Variants in REG3G observed in about 807,000 individuals in gnomAD.
The protein encoded by REG3G is regenerating islet-derived protein 3-gamma.
REG3G carries 19 observed loss-of-function variants against 20.9 expected under a neutral mutation model. That is an observed-to-expected ratio of 0.91 (90% CI 0.64 to 1.34). REG3G has a LOEUF of 1.34. Ranked by LOEUF, REG3G falls within the 40% of genes most tolerant of loss-of-function variation. The pLI is 0.00. For synonymous variants in REG3G, 89 were observed against 77.4 expected (o/e 1.15, Z -0.79); for missense variants, 235 against 205.0 (o/e 1.15, Z -0.89).
intron 1 of REG3G, 72 bp downstream of exon 1, chr2:79,025,845 G>C: frequency 6.2e-6 from 3 of 484,970 alleles, no homozygotes; most frequent in Non-Finnish European, 1.1e-5. Flanking sequence ...ACGCATGGGA[G>C]GGTCCCTTCC....
At chr2:79,026,238 C>G in intron 2 of REG3G, 69 bp downstream of exon 2, 1 of 1,491,576 alleles carries the variant, frequency 6.7e-7, no homozygotes, top group Non-Finnish European at 9.4e-7. Flanking sequence ...GAGGAAGGCT[C>G]CTGTGTGTCA....
chr2:79,025,980 C>A lies in REG3G; in HGVS notation c.-111-3C>A. On this transcript the variant is annotated splice_region_variant and splice_polypyrimidine_tract_variant and intron_variant, in intron 1 of 5. Transcript: ENST00000272324. ...ATGATGAATGTGACCAAGATCACTT[C>A]AGTCCTAGGGGACTACAGAAGGAAA... 1.1e-6 allele frequency: 1 copy of A among 937,520 alleles called. No homozygotes were observed. Among genetic ancestry groups the A allele is most frequent in the Non-Finnish European group, 1.7e-6 (1 of 594,486 alleles). 58.1% of individuals were successfully genotyped at this position (937,520 alleles called of 1,614,324 possible).
rs1671599942 is a variant in REG3G at position 79,025,777 on chromosome 2, A to C, written c.-112+4A>C. 3.4e-6 allele frequency: 1 copy of C among 294,052 alleles called. No individual in the cohort carries two copies. The highest frequency in any genetic ancestry group is 2.1e-5 in the African/African-American group (1 of 46,848). The allele number at this position is 294,052 out of a possible 1,614,324, so 18.2% of individuals were successfully genotyped here. A position where few individuals can be genotyped will look rare whatever the true frequency, so the allele number is the denominator to read the frequency against. On this transcript the variant is annotated splice_donor_region_variant and intron_variant, in intron 1 of 5. Transcript: ENST00000272324. ...CATACCAGATCTCACCAGAGAGGTA[A>C]GTGGGAGCTGAGAGAAGATGAGACC...
rs377627574 is a variant in REG3G at position 79,027,169 on chromosome 2, C to G, written c.331C>G (p.Gln111Glu). Residue 111 changes from glutamine (Q) to glutamate (E), a missense_variant and splice_region_variant, in exon 4 of 6, where the codon CAG (glutamine) becomes GAG (glutamate). Coordinates refer to ENST00000272324, the MANE Select transcript of REG3G (RefSeq NM_001008387.3). ...YIWIGLHDPT[Q>E]GSEPDGDGWE... ...CTGGATTGGGCTCCATGACCCCACA[C>G]AGGTGCGAGTATATCCTCCCCTCTC... The G allele has an allele frequency of 1.9e-6, 3 of 1,613,674 alleles. No individual in the cohort carries two copies. The highest frequency in any genetic ancestry group is 1.3e-5 in the African/African-American group (1 of 75,034).
At chr2:79,026,852 T>C in intron 3 of REG3G, 21 bp downstream of exon 3, 3 of 1,393,538 alleles carry the variant, frequency 2.2e-6, no homozygotes, top group East Asian at 2.6e-5. Flanking sequence ...AGATGTGGGG[T>C]TGGAGGTGAT....
intron 4 of REG3G, 101 bp from the exon 5 acceptor site, chr2:79,027,706 T>C (rs545839313): frequency 2.5e-4 from 354 of 1,405,148 alleles, no homozygotes; most frequent in Non-Finnish European, 3.2e-4. Flanking sequence ...CAGACCAAAA[T>C]CCCTGATGCT....
At position 79,026,722 on chromosome 2, in the gene REG3G, C is replaced by A; in HGVS notation, c.86C>A (p.Thr29Asn). ...TTTTCTTCCACCCCAGGTGAAGAAA[C>A]CCAGAAGGAACTGCCCTCTCCACGG... ...ILLCQVQGEE[T>N]QKELPSPRIS... The change falls in exon 3 of 6, where the codon ACC (threonine) becomes AAC (asparagine). Residue 29 changes from threonine (T) to asparagine (N), a missense_variant. By Grantham distance (65) the Thr-to-Asn change is moderately conservative. Coordinates refer to ENST00000272324, the MANE Select transcript of REG3G (RefSeq NM_001008387.3). The A allele has an allele frequency of 6.2e-7, 1 of 1,613,534 alleles. No individual in the cohort carries two copies. The highest frequency in any genetic ancestry group is 1.1e-5 in the South Asian group (1 of 91,050).
At chr2:79,027,373 A>G (rs1671652136) in intron 4 of REG3G, 2 of 560,880 alleles carry the variant, frequency 3.6e-6, no homozygotes, top group Non-Finnish European at 3.1e-6. Context: ...AAAGAAAATT[A>G]GTCGGACTCT....
At chr2:79,028,060 C>T in intron 5 of REG3G, 127 bp downstream of exon 5, 1 of 1,321,436 alleles carries the variant, frequency 7.6e-7, no homozygotes, top group Non-Finnish European at 1.1e-6. Flanking sequence ...CTCCTCTCAT[C>T]TCTGCCTTCT....
In REG3G at chr2:79,028,193, T is replaced by C. The variant is rs371623236; in HGVS notation, c.461-16T>C. The C allele has an allele frequency of 3.4e-5, 54 of 1,592,656 alleles. No individual in the cohort carries two copies. The highest frequency in any genetic ancestry group is 4.1e-5 in the Non-Finnish European group (48 of 1,160,494). On this transcript the variant is annotated splice_polypyrimidine_tract_variant and intron_variant, in intron 5 of 5. Transcript: ENST00000272324. The stretch of plus-strand genomic sequence containing the variant: ...AGTTCCCCCAGCCCCATGCCTTTTA[T>C]ATTCTGTCTCCCTAGGATTTCTGAA...
chr2:79,027,641 A>G (rs1215358525), intron 4 of REG3G, among the ~76,000 whole-genome samples, 166 bp from the exon 5 acceptor site: 3 of 152,156 alleles, frequency 2.0e-5, no homozygotes, highest in Non-Finnish European at 4.4e-5. Context: ...CAAAGCAATG[A>G]GGAGTTAAGG....
In REG3G at chr2:79,027,916, G is replaced by A. The variant is rs1000494503; in HGVS notation, c.443G>A (p.Ser148Asn). The change falls in exon 5 of 6, where the codon AGC becomes AAC. Residue 148 changes from serine to asparagine, a missense_variant. Coordinates refer to ENST00000272324, the MANE Select transcript of REG3G (RefSeq NM_001008387.3). Reference protein sequence around the residue: ...STILNPGHCGSLSRSTGFLKW... With the variant: ...STILNPGHCGNLSRSTGFLKW... ...ATCTTAAACCCTGGCCACTGTGGGA[G>A]CCTGTCAAGAAGCACAGGTAAGAAA... 8 of 1,614,066 alleles carry A rather than the reference G, an allele frequency of 5.0e-6. No individual in the cohort carries two copies. In the East Asian group the frequency reaches 1.8e-4, roughly 36 times the overall value.
At position 79,027,017 on chromosome 2, in the gene REG3G, C is replaced by T; in HGVS notation, c.196-17C>T. 6.2e-7 allele frequency: 1 copy of T among 1,613,940 alleles called. No individual in the cohort carries two copies. Among genetic ancestry groups the T allele is most frequent in the Non-Finnish European group, 8.5e-7 (1 of 1,179,898 alleles). The stretch of plus-strand genomic sequence containing the variant: ...TGGGTCTCAGGCTCCATCTCATTCT[C>T]TTTGTCCCCCTCAAAGCTGGCTTGC... On this transcript the variant is annotated splice_polypyrimidine_tract_variant and intron_variant, in intron 3 of 5. Transcript: ENST00000272324.
rs1573155722 is a variant in REG3G, at chr2:79,028,093, G to A, written c.461-116G>A. 7.1e-6 allele frequency: 9 copies of A among 1,276,222 alleles called. No individual in the cohort carries two copies. The East Asian group carries it at 1.6e-4, about 23-fold the overall frequency. The allele number at this position is 1,276,222 out of a possible 1,614,324, so 79.1% of individuals were successfully genotyped here. On this transcript the variant is annotated intron_variant, in intron 5 of 5. Coordinates refer to ENST00000272324, the MANE Select transcript of REG3G (RefSeq NM_001008387.3). ...TCTTTGAGTCTCATTCTCCTGGATT[G>A]AGAAACTGGTGAAGATGAGAGAGAA...
In REG3G at chr2:79,026,239, C is replaced by T. The variant is rs2103963519; in HGVS notation, c.76+70C>T. 4.1e-6 allele frequency: 6 copies of T among 1,470,654 alleles called. No homozygotes were observed. In the South Asian group the frequency reaches 5.7e-5, roughly 14 times the overall value. 91.1% of individuals were successfully genotyped at this position (1,470,654 alleles called of 1,614,324 possible). A position where few individuals can be genotyped will look rare whatever the true frequency, so the allele number is the denominator to read the frequency against. On this transcript the variant is annotated intron_variant, in intron 2 of 5. Transcript: ENST00000272324. ...AGAGCCAAGAAAAGGAGGAAGGCTCCTGTGTGTCACGTGAGGTAATGACGT... is the reference window on the plus strand; with the variant it reads ...AGAGCCAAGAAAAGGAGGAAGGCTCTTGTGTGTCACGTGAGGTAATGACGT...
rs778661670 is a variant in REG3G at position 79,027,176 on chromosome 2, G to C, written c.333+5G>C. 2 of 1,613,470 alleles carry C rather than the reference G, an allele frequency of 1.2e-6. No homozygotes were observed. Among genetic ancestry groups the C allele is most frequent in the Non-Finnish European group, 1.7e-6 (2 of 1,179,576 alleles). On this transcript the variant is annotated splice_donor_5th_base_variant and intron_variant, in intron 4 of 5. Coordinates refer to ENST00000272324, the MANE Select transcript of REG3G (RefSeq NM_001008387.3). ...GGGCTCCATGACCCCACACAGGTGC[G>C]AGTATATCCTCCCCTCTCTGTTACC...
chr2:79,026,961 T>A, intron 3 of REG3G, 73 bp from the exon 4 acceptor site: 1 of 1,589,906 alleles, frequency 6.3e-7, no homozygotes, highest in Admixed American at 1.7e-5. Flanking sequence ...ACAGTCCTCC[T>A]CCCACCTACC....
At chr2:79,026,992 T>A (rs372764228) in intron 3 of REG3G, 42 bp from the exon 4 acceptor site, 4 of 1,612,858 alleles carry the variant, frequency 2.5e-6, no homozygotes, top group Admixed American at 1.7e-5. Flanking sequence ...CCTCCCTCAG[T>A]GGGTCTCAGG....
chr2:79,028,046 C>G, intron 5 of REG3G, 113 bp downstream of exon 5: 2 of 1,392,222 alleles, frequency 1.4e-6, no homozygotes, highest in Non-Finnish European at 2.0e-6. Flanking sequence ...GTGCCTTCTC[C>G]CGTCTCCTCT....
Sources: allele counts gnomAD v4.1 joint callset (sites outside exome capture counted in the v4.1 genomes callset), GRCh38; gene constraint gnomAD v4.1.1; transcripts MANE v1.5; gene names NCBI Gene and HGNC (gene_info 2026-07-23, HGNC 2026-07-21).